POTEC: variants seen among roughly 807,000 people sequenced by gnomAD.
POTEC encodes the protein POTE ankyrin domain family member C, also known as ANKRD26-like family B member 2.
In POTEC, 35 loss-of-function variants were observed where a neutral mutation model predicts 62.0. That is an observed-to-expected ratio of 0.56 (90% confidence interval 0.43 to 0.75). The LOEUF is 0.75. Ranked by LOEUF, POTEC falls within the 30% of genes least tolerant of loss-of-function variation. The probability of loss-of-function intolerance (pLI) is 0.00; values close to 1 mark genes in which losing one functional copy is unlikely to be tolerated. For synonymous variants in POTEC, 156 were observed against 221.5 expected, an observed-to-expected ratio of 0.70 and a Z score of 2.62; for missense variants, 472 against 655.9, an observed-to-expected ratio of 0.72 and a Z score of 3.06.
chr18:14,513,870 C>A lies in POTEC; in HGVS notation c.1410-85G>T, dbSNP rs191917011. ...CAAGATGGCACCATCAGATGTCATT[C>A]ACACAATGCATATCTGCACATTAAT... On this transcript the variant is annotated intron_variant, in intron 9 of 10. Coordinates refer to ENST00000358970, the MANE Select transcript of POTEC (RefSeq NM_001137671.2). The A allele has an allele frequency of 2.0e-4, 327 of 1,595,148 alleles. 1 individual carries two copies. The Admixed American group carries it at 2.3e-3, about 11-fold the overall frequency.
intron 6 of POTEC, among the ~76,000 whole-genome samples, chr18:14,525,817 T>C (rs1301576840): frequency 1.3e-5 from 2 of 152,166 alleles, no homozygotes; most frequent in Non-Finnish European, 2.9e-5. Flanking sequence ...AAATTACTAC[T>C]GACACCTTTG....
At chr18:14,524,772 T>A in intron 7 of POTEC, 141 bp downstream of exon 7, 1 of 782,508 alleles carries the variant, frequency 1.3e-6, no homozygotes, top group East Asian at 3.5e-5. Context: ...ATTTTAAGAA[T>A]CTTATTAAAA....
chr18:14,509,834 C>A lies in POTEC; in HGVS notation c.*2064G>T, dbSNP rs1474621960. 2.1e-5 allele frequency: 3 copies of A among 144,470 alleles called. No individual in the cohort carries two copies. Among genetic ancestry groups the A allele is most frequent in the African/African-American group, 7.9e-5 (3 of 38,140 alleles). 8.9% of individuals were successfully genotyped at this position (144,470 alleles called of 1,614,324 possible). ...AAAGTGAATCCTCAGCACAGCACAA[C>A]TGCTCTACACAAACGTGGCCAGACT... On this transcript the variant is annotated 3_prime_UTR_variant, in exon 11 of 11. Coordinates refer to ENST00000358970, the MANE Select transcript of POTEC (RefSeq NM_001137671.2).
At chr18:14,529,164 T>C (rs1389621064) in intron 6 of POTEC, 2 of 338,942 alleles carry the variant, frequency 5.9e-6, no homozygotes, top group Middle Eastern at 1.1e-3. Flanking sequence ...ATCATTATTA[T>C]AAGCTTCCAG....
intron 5 of POTEC, among the ~76,000 whole-genome samples, chr18:14,530,901 C>T (rs1215516177): frequency 3.3e-5 from 5 of 152,096 alleles, no homozygotes; most frequent in African/African-American, 1.2e-4. Context: ...TCAATGTCTT[C>T]TTCTACAAAG....
At position 14,521,438 on chromosome 18, in the gene POTEC, A is replaced by G. The variant is rs548890249; in HGVS notation, c.1409+816T>C. Among the ~76,000 whole-genome samples, 334 of 152,310 alleles carry G rather than the reference A, an allele frequency of 2.2e-3. 2 individuals carry two copies. The highest frequency in any genetic ancestry group is 3.7e-3 in the Non-Finnish European group (253 of 68,018). On this transcript the variant is annotated intron_variant, in intron 9 of 10. Transcript: ENST00000358970. ...CATTATTTTCTGGGTATGAAAATTG[A>G]GCTATTTCCTATTGGTAAGGATTTA...
intron 9 of POTEC, among the ~76,000 whole-genome samples, chr18:14,517,790 G>T (rs1567910477): frequency 6.6e-6 from 1 of 152,156 alleles, no homozygotes. Flanking sequence ...TGAACCAGAA[G>T]GTGGAGGTTG....
intron 6 of POTEC, among the ~76,000 whole-genome samples, chr18:14,530,198 GTCACTGTC>G (rs1292821226): frequency 6.6e-6 from 1 of 151,802 alleles, no homozygotes; most frequent in Non-Finnish European, 1.5e-5. Context: ...CTGATGATAT[GTCACTGTC>G]TCACTTTGCC....
chr18:14,543,579 T>G lies in POTEC; in HGVS notation c.-433A>C, dbSNP rs1256818134. On this transcript the variant is annotated 5_prime_UTR_variant, in exon 1 of 11. Coordinates refer to ENST00000358970, the MANE Select transcript of POTEC (RefSeq NM_001137671.2). The stretch of plus-strand genomic sequence containing the variant: ...GGAACGCAAAGCGAAGCGTACCCGT[T>G]ACAGGTAAGCCAAGCCGTTATGCGC... 4 of 270,410 alleles carry G rather than the reference T, an allele frequency of 1.5e-5. No individual in the cohort carries two copies. The East Asian group carries it at 5.3e-4, about 36-fold the overall frequency. 16.8% of individuals were successfully genotyped at this position (270,410 alleles called of 1,614,324 possible). A position where few individuals can be genotyped will look rare whatever the true frequency, so the allele number is the denominator to read the frequency against.
intron 6 of POTEC, among the ~76,000 whole-genome samples, chr18:14,529,898 T>A (rs530821186): frequency 6.6e-6 from 1 of 152,228 alleles, no homozygotes; most frequent in South Asian, 2.1e-4. Context: ...ACTTTTATTT[T>A]TTTATCTACG....
At chr18:14,542,340 TTAAAAA>T (rs1172842594) in intron 1 of POTEC, among the ~76,000 whole-genome samples, 1 of 152,232 alleles carries the variant, frequency 6.6e-6, no homozygotes, top group Non-Finnish European at 1.5e-5. Flanking sequence ...AATGTGTACA[TTAAAAA>T]TAATCTGCTG....
In POTEC at chr18:14,516,999, G is replaced by A. The variant is rs894050313; in HGVS notation, c.1410-3214C>T. Reference sequence around the variant, plus strand: ...ACTAAAATCTCCTACTGGAGATTATGTTAGGACTTGAGCAAAAGCTTCTAA... The same window carrying A: ...ACTAAAATCTCCTACTGGAGATTATATTAGGACTTGAGCAAAAGCTTCTAA... On this transcript the variant is annotated intron_variant, in intron 9 of 10. Coordinates refer to ENST00000358970, the MANE Select transcript of POTEC (RefSeq NM_001137671.2). Among the ~76,000 whole-genome samples the A allele has an allele frequency of 7.1e-4, 107 of 150,762 alleles. No homozygotes were observed. In the South Asian group the frequency reaches 0.015, roughly 21 times the overall value.
intron 9 of POTEC, among the ~76,000 whole-genome samples, chr18:14,521,880 C>A (rs143359875): frequency 1.3e-5 from 2 of 151,980 alleles, no homozygotes; most frequent in Non-Finnish European, 2.9e-5. Flanking sequence ...AGGAGGGAGA[C>A]GACCAAAAAA....
intron 9 of POTEC, among the ~76,000 whole-genome samples, chr18:14,518,067 G>A (rs948786934): frequency 2.8e-4 from 42 of 152,188 alleles, no homozygotes; most frequent in African/African-American, 9.4e-4. Flanking sequence ...GGGCAAAACT[G>A]TTAGAATGAA....
chr18:14,512,318 T>G (rs2143104010), intron 10 of POTEC, among the ~76,000 whole-genome samples: 1 of 152,312 alleles, frequency 6.6e-6, no homozygotes, highest in Admixed American at 6.5e-5. Context: ...TTAAATTGGG[T>G]TTACACTCTG....
intron 5 of POTEC, among the ~76,000 whole-genome samples, chr18:14,531,427 CTTTTA>C (rs1905513747): frequency 6.6e-6 from 1 of 152,038 alleles, no homozygotes; most frequent in African/African-American, 2.4e-5. Context: ...CAAAACTCTA[CTTTTA>C]TTTTTTTCCG....
In POTEC at chr18:14,516,663, TGG is replaced by T. The variant is rs79190686; in HGVS notation, c.1410-2880_1410-2879del. 4.1e-3 allele frequency among the ~76,000 whole-genome samples: 560 copies of T among 136,762 alleles called. 3 individuals carry two copies. Among genetic ancestry groups the T allele is most frequent in the Non-Finnish European group, 6.7e-3 (436 of 65,298 alleles). 89.7% of individuals were successfully genotyped at this position (136,762 alleles called of 152,430 possible). A position where few individuals can be genotyped will look rare whatever the true frequency, so the allele number is the denominator to read the frequency against. On this transcript the variant is annotated intron_variant, in intron 9 of 10. Coordinates refer to ENST00000358970, the MANE Select transcript of POTEC (RefSeq NM_001137671.2). ...GGGTGGAAACACAAAGCCAAACTAC[TGG>T]GGGGGGGTGTATCCTTACTTTTAAA...
chr18:14,541,095 T>C (rs1331827063), intron 1 of POTEC, among the ~76,000 whole-genome samples: 1 of 152,188 alleles, frequency 6.6e-6, no homozygotes, highest in East Asian at 1.9e-4. Flanking sequence ...TTCACCACGC[T>C]GGCCAAGCTA....
intron 10 of POTEC, among the ~76,000 whole-genome samples, chr18:14,513,065 A>G (rs1305337287): frequency 2.0e-5 from 3 of 152,214 alleles, no homozygotes; most frequent in Admixed American, 6.5e-5. Context: ...ATACTCAACT[A>G]TTCATCTGGG....
Sources: allele counts gnomAD v4.1 joint callset (sites outside exome capture counted in the v4.1 genomes callset), GRCh38; gene constraint gnomAD v4.1.1; transcripts MANE v1.5; gene names NCBI Gene and HGNC (gene_info 2026-07-23, HGNC 2026-07-21).